CNTN4: variants seen among roughly 807,000 people sequenced by gnomAD.
The protein encoded by CNTN4 is contactin 4, also known as contactin-4.
CNTN4 carries 77 observed loss-of-function variants against 122.5 expected under a neutral mutation model. The ratio of observed to expected loss-of-function variants is 0.63; its 90% CI spans 0.52 to 0.76. The LOEUF is 0.76. Ranked by LOEUF, CNTN4 falls within the 30% of genes least tolerant of loss-of-function variation. CNTN4 has a pLI of 0.00. For missense variants in CNTN4, 1,256 were observed against 1,259.1 expected, an observed-to-expected ratio of 1.00 and a Z score of 0.04; for synonymous variants, 512 against 447.0, an observed-to-expected ratio of 1.15 and a Z score of -1.83.
intron 2 of CNTN4, among the ~76,000 whole-genome samples, chr3:2,246,048 A>G (rs1473938765): frequency 2.0e-5 from 3 of 151,910 alleles, no homozygotes; most frequent in Non-Finnish European, 4.4e-5. Flanking sequence ...ACCTTTCTGG[A>G]TGTTAGTTTT....
At chr3:2,660,790 T>A (rs1245829569) in intron 4 of CNTN4, among the ~76,000 whole-genome samples, 1 of 152,192 alleles carries the variant, frequency 6.6e-6, no homozygotes, top group Admixed American at 6.5e-5. Flanking sequence ...ATGACAGATA[T>A]AAGATTGAAG....
intron 13 of CNTN4, among the ~76,000 whole-genome samples, chr3:2,931,933 C>G (rs2094523866): frequency 1.3e-5 from 2 of 152,176 alleles, no homozygotes; most frequent in African/African-American, 4.8e-5. Context: ...CAGGCAGAAG[C>G]CACCACACCT....
chr3:2,825,464 C>T (rs896500719), intron 7 of CNTN4, among the ~76,000 whole-genome samples: 4 of 151,852 alleles, frequency 2.6e-5, no homozygotes. Flanking sequence ...CCTCAGGATC[C>T]ACCCGCTTCA....
intron 3 of CNTN4, among the ~76,000 whole-genome samples, chr3:2,513,976 C>G (rs377762387): frequency 6.6e-5 from 10 of 152,102 alleles, no homozygotes; most frequent in South Asian, 2.1e-4. Context: ...CATCTCTGTA[C>G]GTGTTTGCAT....
At chr3:2,652,663 A>T (rs2083415303) in intron 4 of CNTN4, among the ~76,000 whole-genome samples, 2 of 152,134 alleles carry the variant, frequency 1.3e-5, no homozygotes, top group South Asian at 4.1e-4. Context: ...GGACTTGTCC[A>T]ATGAGATGAG....
chr3:2,691,606 T>A (rs1327308086), intron 4 of CNTN4, among the ~76,000 whole-genome samples: 2 of 152,158 alleles, frequency 1.3e-5, no homozygotes, highest in African/African-American at 4.8e-5. Flanking sequence ...CAGGATCTAG[T>A]CCTTGCACAA....
rs913251158 is a variant in CNTN4, at chr3:2,517,027, T to C, written c.-88-54389T>C. 7.2e-5 allele frequency among the ~76,000 whole-genome samples: 11 copies of C among 152,134 alleles called. 1 individual carries two copies. The highest frequency in any genetic ancestry group is 2.7e-4 in the African/African-American group (11 of 41,450). On this transcript the variant is annotated intron_variant, in intron 3 of 24. Coordinates refer to ENST00000418658, the MANE Select transcript of CNTN4 (RefSeq NM_175607.3). ...GGTTTCATTCTGCAAAGGAAAATTG[T>C]GAGTGAATGAAATATATCAAGTGTA...
chr3:2,972,001 A>G (rs1464733988), intron 13 of CNTN4, among the ~76,000 whole-genome samples: 1 of 152,184 alleles, frequency 6.6e-6, no homozygotes, highest in African/African-American at 2.4e-5. Context: ...ATAAACCTGA[A>G]TGCTTATATA....
intron 6 of CNTN4, among the ~76,000 whole-genome samples, chr3:2,772,332 G>A (rs1289721268): frequency 3.1e-5 from 4 of 130,724 alleles, no homozygotes; most frequent in African/African-American, 6.2e-5. Context: ...AAGTAGAGGA[G>A]GCATATTTGA....
At chr3:2,849,889 C>T (rs1029859950) in intron 7 of CNTN4, among the ~76,000 whole-genome samples, 3 of 152,114 alleles carry the variant, frequency 2.0e-5, no homozygotes, top group African/African-American at 7.2e-5. Context: ...TGAAGAAATA[C>T]AGGTTCAGTA....
intron 3 of CNTN4, among the ~76,000 whole-genome samples, chr3:2,496,698 A>G (rs542867576): frequency 2.0e-5 from 3 of 152,322 alleles, no homozygotes; most frequent in African/African-American, 4.8e-5. Context: ...CCCTTTTCCA[A>G]AGTCACTAAG....
chr3:2,642,636 G>T (rs2082945631), intron 4 of CNTN4, among the ~76,000 whole-genome samples: 1 of 152,050 alleles, frequency 6.6e-6, no homozygotes, highest in South Asian at 2.1e-4. Context: ...GTGTATATTG[G>T]TATTATAGCC....
chr3:2,557,128 T>A (rs1350466145), intron 3 of CNTN4, among the ~76,000 whole-genome samples: 1 of 152,202 alleles, frequency 6.6e-6, no homozygotes, highest in Non-Finnish European at 1.5e-5. Flanking sequence ...ATCCTCAGAT[T>A]TTTTTTGCAG....
chr3:2,722,992 G>C (rs899548866), intron 4 of CNTN4, among the ~76,000 whole-genome samples: 1 of 152,124 alleles, frequency 6.6e-6, no homozygotes, highest in Non-Finnish European at 1.5e-5. Context: ...CTATTGAAGG[G>C]AAATGGACTT....
At chr3:2,715,727 T>C (rs1011477816) in intron 4 of CNTN4, among the ~76,000 whole-genome samples, 1 of 152,230 alleles carries the variant, frequency 6.6e-6, no homozygotes, top group African/African-American at 2.4e-5. Context: ...TGCAGACAGA[T>C]GCCTTTTTGC....
intron 2 of CNTN4, among the ~76,000 whole-genome samples, chr3:2,148,094 CA>C (rs2035330666): frequency 6.6e-6 from 1 of 152,042 alleles, no homozygotes; most frequent in Non-Finnish European, 1.5e-5. Context: ...TCATGGCTCC[CA>C]TATGGTTGAT....
rs185061381 is a variant in CNTN4 at position 2,215,755 on chromosome 3, C to T, written c.-145+115116C>T. On this transcript the variant is annotated intron_variant, in intron 2 of 24. Coordinates refer to ENST00000418658, the MANE Select transcript of CNTN4 (RefSeq NM_175607.3). ...AAATTAGCCCAGGCGTGGTGGCATG[C>T]GCCTGTAGTCCCAGTTACTTGGGAG... is the stretch of plus-strand genomic sequence containing the variant. Among the ~76,000 whole-genome samples the T allele has an allele frequency of 1.5e-3, 227 of 151,738 alleles. 1 individual carries two copies. Among genetic ancestry groups the T allele is most frequent in the African/African-American group, 3.3e-3 (136 of 41,366 alleles).
intron 2 of CNTN4, among the ~76,000 whole-genome samples, chr3:2,289,630 T>A (rs1183600538): frequency 6.6e-6 from 1 of 152,164 alleles, no homozygotes; most frequent in Non-Finnish European, 1.5e-5. Context: ...TCAAATCAAC[T>A]TGGGATTTTT....
At chr3:2,820,765 A>G (rs2092846188) in intron 7 of CNTN4, among the ~76,000 whole-genome samples, 1 of 151,916 alleles carries the variant, frequency 6.6e-6, no homozygotes, top group African/African-American at 2.4e-5. Context: ...CAGACCAAAT[A>G]TATATATTTC....
Sources: gnomAD v4.1 joint callset for allele counts (sites outside exome capture counted in the v4.1 genomes callset) on GRCh38, gnomAD v4.1.1 for gene constraint, MANE v1.5 for transcripts, NCBI Gene and HGNC (gene_info 2026-07-23, HGNC 2026-07-21) for gene names.